The following COL11A1 variants were observed in gnomAD, a reference collection of about 807,000 sequenced individuals.
COL11A1 encodes the protein collagen type XI alpha 1 chain.
Under a neutral mutation model 265.2 loss-of-function variants are expected in COL11A1, and 74 were observed. The observed-to-expected ratio is 0.28, with a 90% CI of 0.23 to 0.34. The LOEUF (loss-of-function observed/expected upper bound fraction) is 0.34, where lower values mean the gene tolerates loss of function less well. Ranked by LOEUF, COL11A1 falls within the 10% of genes least tolerant of loss-of-function variation. The pLI is 1.00. For synonymous variants in COL11A1, 816 were observed against 727.6 expected, an observed-to-expected ratio of 1.12 and a Z score of -1.96; for missense variants, 2,165 against 2,263.6, an observed-to-expected ratio of 0.96 and a Z score of 0.88.
chr1:103,104,693 A>G (rs1369603756), intron 1 of COL11A1, among the ~76,000 whole-genome samples: 1 of 152,198 alleles, frequency 6.6e-6, no homozygotes, highest in Non-Finnish European at 1.5e-5. Flanking sequence ...AGCATGCAGA[A>G]AGGTGTTTCT....
At chr1:102,918,648 TA>T (rs71696647) in intron 49 of COL11A1, among the ~76,000 whole-genome samples, 13,982 of 151,268 alleles carry the variant, frequency 0.092, 748 homozygotes, top group Middle Eastern at 0.13. Context: ...TGCTGTCACA[TA>T]AAAAAAAATC....
At chr1:103,022,661 A>C (rs1257811245) in intron 8 of COL11A1, 81 bp downstream of exon 8, 9 of 1,567,258 alleles carry the variant, frequency 5.7e-6, no homozygotes, top group Non-Finnish European at 7.9e-6. Flanking sequence ...TTTAAACCTG[A>C]AAAGACATTA....
intron 4 of COL11A1, among the ~76,000 whole-genome samples, chr1:103,063,615 A>G (rs757726666): frequency 5.3e-5 from 8 of 152,188 alleles, no homozygotes; most frequent in Non-Finnish European, 1.2e-4. Flanking sequence ...CCTAGAAGAC[A>G]ATATAGGAGA....
At chr1:103,043,830 A>G (rs1669030335) in intron 4 of COL11A1, among the ~76,000 whole-genome samples, 1 of 152,074 alleles carries the variant, frequency 6.6e-6, no homozygotes, top group South Asian at 2.1e-4. Flanking sequence ...AATCAAACAC[A>G]TGAGGAAAAA....
Position 102,913,643 on chromosome 1 carries a change from A to C in COL11A1, c.4026T>G (p.Gly1342=). The change falls in exon 53 of 67, where the codon GGT becomes GGG. Residue 1342 remains glycine (G), a synonymous_variant. Transcript: ENST00000370096. ...GGDKGEDGDP[G]QPGPPGPSGE... is the part of the protein sequence containing the mutation. ...AATTAGTGCATTTACTCACCGGTTG[A>C]CCAGGATCTCCATCTTCACCCTTGT... 6.2e-7 allele frequency: 1 copy of C among 1,613,442 alleles called. No individual in the cohort carries two copies. Among genetic ancestry groups the C allele is most frequent in the Non-Finnish European group, 8.5e-7 (1 of 1,179,570 alleles).
intron 30 of COL11A1, among the ~76,000 whole-genome samples, chr1:102,986,425 A>AG (rs1308515274): frequency 2.5e-5 from 2 of 81,318 alleles, no homozygotes. Flanking sequence ...GGGTGGGGGG[A>AG]GGGGGGAGGG....
chr1:103,012,840 T>G (rs2101892197), intron 13 of COL11A1, among the ~76,000 whole-genome samples: 1 of 152,272 alleles, frequency 6.6e-6, no homozygotes, highest in Admixed American at 6.5e-5. Context: ...TGAGAGGCTT[T>G]AAATAAAATT....
intron 3 of COL11A1, among the ~76,000 whole-genome samples, chr1:103,076,552 T>C (rs768022923): frequency 6.6e-6 from 1 of 152,134 alleles, no homozygotes; most frequent in Non-Finnish European, 1.5e-5. Context: ...CTTGCACATG[T>C]TCTTCACCCA....
chr1:103,027,448 T>G (rs2101974203), intron 5 of COL11A1, among the ~76,000 whole-genome samples: 1 of 131,968 alleles, frequency 7.6e-6, no homozygotes, highest in Non-Finnish European at 1.6e-5. Flanking sequence ...TATATATGCA[T>G]GCATGCCGGG....
At chr1:102,903,374 A>T (rs1329699023) in intron 54 of COL11A1, among the ~76,000 whole-genome samples, 2 of 152,158 alleles carry the variant, frequency 1.3e-5, no homozygotes, top group African/African-American at 4.8e-5. Flanking sequence ...CGTAAGATTC[A>T]ATCACAGAAA....
Position 103,011,400 on chromosome 1 carries a change from A to G in COL11A1, c.1629+1013T>C, listed in dbSNP as rs1044935485. 1.2e-4 allele frequency among the ~76,000 whole-genome samples: 19 copies of G among 152,248 alleles called. No individual in the cohort carries two copies. In the South Asian group the frequency reaches 1.7e-3, roughly 13 times the overall value. ...TAATTTAAATTCTATGAAACATAGT[A>G]TCAGAATATGTGTTCCCCGTGAGCT... On this transcript the variant is annotated intron_variant, in intron 14 of 66. Coordinates refer to ENST00000370096, the MANE Select transcript of COL11A1 (RefSeq NM_001854.4).
intron 36 of COL11A1, among the ~76,000 whole-genome samples, chr1:102,972,849 A>G (rs1161747854): frequency 1.3e-5 from 2 of 152,110 alleles, no homozygotes; most frequent in African/African-American, 4.8e-5. Context: ...TAGTCATGCT[A>G]TAATTCTTAA....
intron 28 of COL11A1, among the ~76,000 whole-genome samples, chr1:102,991,442 C>CGTGATCTAT (rs1664120327): frequency 6.6e-6 from 1 of 151,428 alleles, no homozygotes; most frequent in Non-Finnish European, 1.5e-5. Context: ...CCCTTCACCA[C>CGTGATCTAT]GTGATCTAGC....
chr1:103,085,509 G>T (rs1672778644), intron 1 of COL11A1, among the ~76,000 whole-genome samples: 1 of 143,346 alleles, frequency 7.0e-6, no homozygotes, highest in Non-Finnish European at 1.5e-5. Context: ...GCCACATAGT[G>T]GCCCTGACTG....
chr1:102,969,392 C>T (rs1661741197), intron 37 of COL11A1, among the ~76,000 whole-genome samples: 1 of 152,194 alleles, frequency 6.6e-6, no homozygotes, highest in Admixed American at 6.5e-5. Flanking sequence ...CAAAGGTAGT[C>T]TGCATTTGTG....
At chr1:102,883,133 T>A (rs1214235715) in intron 64 of COL11A1, 66 bp downstream of exon 64, 29 of 1,006,194 alleles carry the variant, frequency 2.9e-5, no homozygotes, top group Non-Finnish European at 4.6e-5. Context: ...TTTTCCTGTT[T>A]AGTTCAATAT....
chr1:103,002,871 C>T, intron 21 of COL11A1, 80 bp from the exon 22 acceptor site: 1 of 1,290,806 alleles, frequency 7.7e-7, no homozygotes, highest in Non-Finnish European at 1.1e-6. Flanking sequence ...AATCTAATAT[C>T]ATGATATTCA....
chr1:102,990,213 C>T (rs79646678), intron 28 of COL11A1, among the ~76,000 whole-genome samples: 3,669 of 152,106 alleles, frequency 0.024, 62 homozygotes, highest in Middle Eastern at 0.092. Context: ...ACAACAACAA[C>T]AAAAGGAAAC....
rs769722770 is a variant in COL11A1, at chr1:103,012,422, T to C, written c.1620A>G (p.Pro540=). ...TGTTGGGGTAACCTACCACAGGACC[T>C]GGTCTTCCAGTTAGACCCATTGGGC... is the stretch of plus-strand genomic sequence containing the variant. ...PPGPMGLTGR[P]GPVGGPGSSG... The change falls in exon 14 of 67, where the codon CCA becomes CCG. Residue 540 remains proline (P), a synonymous_variant. Coordinates refer to ENST00000370096, the MANE Select transcript of COL11A1 (RefSeq NM_001854.4). 6.2e-7 allele frequency: 1 copy of C among 1,613,142 alleles called. No homozygotes were observed. The highest frequency in any genetic ancestry group is 8.5e-7 in the Non-Finnish European group (1 of 1,179,188).
Sources: gnomAD v4.1 joint callset for allele counts (sites outside exome capture counted in the v4.1 genomes callset) on GRCh38, gnomAD v4.1.1 for gene constraint, MANE v1.5 for transcripts, NCBI Gene and HGNC (gene_info 2026-07-23, HGNC 2026-07-21) for gene names.